CSMD1: variants seen among roughly 807,000 people sequenced by gnomAD.
The protein encoded by CSMD1 is CUB and Sushi multiple domains 1, also known as CUB and sushi domain-containing protein 1.
Under a neutral mutation model 417.5 loss-of-function variants are expected in CSMD1, and 213 were observed. The observed-to-expected ratio is 0.51, with a 90% CI of 0.46 to 0.57. The LOEUF is 0.57. Ranked by LOEUF, CSMD1 falls within the 20% of genes least tolerant of loss-of-function variation. The pLI is 0.00. For missense variants in CSMD1, 6,923 were observed against 4,529.7 expected (o/e 1.53, Z -15.17); for synonymous variants, 2,862 against 1,736.8 (o/e 1.65, Z -16.11).
chr8:3,162,230 T>C lies in CSMD1; in HGVS notation c.5773A>G (p.Ile1925Val), dbSNP rs1819943625. 2 of 1,611,534 alleles carry C rather than the reference T, an allele frequency of 1.2e-6. No homozygotes were observed. The highest frequency in any genetic ancestry group is 1.7e-6 in the Non-Finnish European group (2 of 1,178,988). Residue 1925 changes from isoleucine to valine, a missense_variant, in exon 38 of 70, where the codon ATC becomes GTC. Transcript: ENST00000635120. ...CQEPALPSNSIKIGDRYMVND... is the reference protein window; with the variant it reads ...CQEPALPSNSVKIGDRYMVND... Reference sequence around the variant, plus strand: ...ACCATGTACCGATCTCCGATTTTGATGCTGTTGCTGGGGAGGGCTGGTTCT... The same window carrying C: ...ACCATGTACCGATCTCCGATTTTGACGCTGTTGCTGGGGAGGGCTGGTTCT...
chr8:3,555,915 A>T (rs572554777), intron 10 of CSMD1, among the ~76,000 whole-genome samples: 1 of 152,304 alleles, frequency 6.6e-6, no homozygotes, highest in South Asian at 2.1e-4. Context: ...TGTGATATTA[A>T]AACAGCTCCC....
intron 5 of CSMD1, among the ~76,000 whole-genome samples, chr8:3,936,305 A>G (rs190439057): frequency 2.3e-4 from 35 of 152,354 alleles, no homozygotes; most frequent in African/African-American, 6.7e-4. Flanking sequence ...AGGTGGCTAC[A>G]CTAAAAGGCA....
chr8:3,502,023 C>A (rs913157621), intron 10 of CSMD1, among the ~76,000 whole-genome samples: 1 of 152,130 alleles, frequency 6.6e-6, no homozygotes, highest in South Asian at 2.1e-4. Context: ...AAGCTTCTTA[C>A]ATAACCAACT....
At chr8:4,382,245 G>C (rs1446821765) in intron 3 of CSMD1, among the ~76,000 whole-genome samples, 1 of 152,120 alleles carries the variant, frequency 6.6e-6, no homozygotes, top group Admixed American at 6.5e-5. Context: ...CATTACCAAA[G>C]CCATAAAGAT....
At chr8:4,203,424 C>G (rs977723725) in intron 3 of CSMD1, among the ~76,000 whole-genome samples, 1 of 152,170 alleles carries the variant, frequency 6.6e-6, no homozygotes, top group Non-Finnish European at 1.5e-5. Flanking sequence ...GTGGTAATAT[C>G]TCACAGCAGC....
intron 3 of CSMD1, among the ~76,000 whole-genome samples, chr8:4,350,006 C>T (rs545073634): frequency 6.6e-6 from 1 of 152,018 alleles, no homozygotes; most frequent in Non-Finnish European, 1.5e-5. Context: ...TCCCTGAGCC[C>T]TGGAATCTTG....
rs563618669 is a variant in CSMD1, at chr8:2,941,529, T to C, written c.10535+943A>G. The stretch of plus-strand genomic sequence containing the variant: ...CATTTCCAGATTCCTCCAGGTAATG[T>C]ATTATCCATATATGGAAAAAATGTA... On this transcript the variant is annotated intron_variant, in intron 69 of 69. Transcript: ENST00000635120. 2.6e-5 allele frequency among the ~76,000 whole-genome samples: 4 copies of C among 152,360 alleles called. No homozygotes were observed. In the East Asian group the frequency reaches 5.8e-4, roughly 22 times the overall value.
At chr8:3,256,723 T>C (rs1018327312) in intron 26 of CSMD1, among the ~76,000 whole-genome samples, 10 of 152,226 alleles carry the variant, frequency 6.6e-5, no homozygotes, top group African/African-American at 2.4e-4. Context: ...AAGTCCACCT[T>C]TGATGTCTGC....
intron 4 of CSMD1, among the ~76,000 whole-genome samples, chr8:4,018,264 G>C (rs943274160): frequency 6.6e-6 from 1 of 151,944 alleles, no homozygotes; most frequent in African/African-American, 2.4e-5. Context: ...TTGGTATTAT[G>C]GTGTTTGAGA....
intron 3 of CSMD1, among the ~76,000 whole-genome samples, chr8:4,312,614 C>T (rs963805141): frequency 2.7e-5 from 4 of 146,692 alleles, no homozygotes; most frequent in East Asian, 1.9e-4. Context: ...CAGTGTCTCA[C>T]GCCTGTAATC....
chr8:4,409,083 T>G (rs969197820), intron 3 of CSMD1, among the ~76,000 whole-genome samples: 1 of 152,228 alleles, frequency 6.6e-6, no homozygotes, highest in Non-Finnish European at 1.5e-5. Flanking sequence ...TAGCAGACTG[T>G]GAAGCCTTTT....
chr8:3,718,834 G>C (rs897466560), intron 6 of CSMD1, among the ~76,000 whole-genome samples: 1 of 152,116 alleles, frequency 6.6e-6, no homozygotes, highest in Non-Finnish European at 1.5e-5. Flanking sequence ...ACATAAGCAG[G>C]ATTTAACTTG....
chr8:4,483,199 T>C (rs1321979087), intron 2 of CSMD1, among the ~76,000 whole-genome samples: 1 of 152,162 alleles, frequency 6.6e-6, no homozygotes, highest in Non-Finnish European at 1.5e-5. Context: ...ATTCTCTCTC[T>C]TGCCACCACC....
chr8:3,884,596 A>G (rs1197854131), intron 5 of CSMD1, among the ~76,000 whole-genome samples: 1 of 152,194 alleles, frequency 6.6e-6, no homozygotes, highest in East Asian at 1.9e-4. Context: ...AACATCGGTG[A>G]GAAGTCATTT....
chr8:3,384,362 T>C (rs934293878), intron 18 of CSMD1, among the ~76,000 whole-genome samples: 2 of 151,990 alleles, frequency 1.3e-5, no homozygotes, highest in African/African-American at 2.4e-5. Context: ...TATGTCTTAA[T>C]AGGATATCCC....
At chr8:4,820,652 AG>A (rs1722656523) in intron 1 of CSMD1, among the ~76,000 whole-genome samples, 1 of 152,216 alleles carries the variant, frequency 6.6e-6, no homozygotes, top group Non-Finnish European at 1.5e-5. Flanking sequence ...GAATGATTCA[AG>A]CCTGTGCTTT....
chr8:4,337,075 T>C (rs528177737), intron 3 of CSMD1, among the ~76,000 whole-genome samples: 1 of 152,232 alleles, frequency 6.6e-6, no homozygotes, highest in Non-Finnish European at 1.5e-5. Context: ...TGTTTCACTG[T>C]CCCAGAGGGT....
At chr8:4,198,623 A>C (rs779117) in intron 3 of CSMD1, among the ~76,000 whole-genome samples, 152,106 of 152,260 alleles carry the variant, frequency 1, 75,976 homozygotes, top group Middle Eastern at 1. Flanking sequence ...AAGCATATAG[A>C]TCGATGGATA....
At chr8:3,561,160 T>C (rs1219743000) in intron 10 of CSMD1, among the ~76,000 whole-genome samples, 2 of 152,192 alleles carry the variant, frequency 1.3e-5, no homozygotes, top group Non-Finnish European at 2.9e-5. Flanking sequence ...TTGGCAAGGA[T>C]GTGCAGAAAG....
Sources: gnomAD v4.1 joint callset for allele counts (sites outside exome capture counted in the v4.1 genomes callset) on GRCh38, gnomAD v4.1.1 for gene constraint, MANE v1.5 for transcripts, NCBI Gene and HGNC (gene_info 2026-07-23, HGNC 2026-07-21) for gene names.